DCDC1: variants seen among roughly 807,000 people sequenced by gnomAD.
The protein encoded by DCDC1 is doublecortin domain containing 1.
A neutral mutation model predicts 178.3 loss-of-function variants in DCDC1; 200 were observed. That is an observed-to-expected ratio of 1.12 (90% CI 1.00 to 1.26). The LOEUF (loss-of-function observed/expected upper bound fraction) is 1.26, where lower values mean the gene tolerates loss of function less well. Among genes scored for constraint, DCDC1 ranks in the 50% most tolerant of loss-of-function variants. DCDC1 has a pLI of 0.00. For synonymous variants in DCDC1, 690 were observed against 604.8 expected (o/e 1.14, Z -2.07); for missense variants, 1,983 against 1,749.2 (o/e 1.13, Z -2.38).
chr11:30,884,030 C>T (rs1180051982), intron 36 of DCDC1, among the ~76,000 whole-genome samples: 2 of 52,356 alleles, frequency 3.8e-5, no homozygotes, highest in Non-Finnish European at 3.6e-5. Flanking sequence ...AGCATTCTTT[C>T]TCATTTTTTT....
At chr11:30,951,912 A>G (rs1948450100) in intron 21 of DCDC1, among the ~76,000 whole-genome samples, 1 of 152,150 alleles carries the variant, frequency 6.6e-6, no homozygotes, top group South Asian at 2.1e-4. Flanking sequence ...CATAGAAAAG[A>G]CCAAATACTT....
chr11:31,200,350 T>TA (rs1971143205), intron 9 of DCDC1, among the ~76,000 whole-genome samples: 1 of 152,110 alleles, frequency 6.6e-6, no homozygotes. Flanking sequence ...GTGGATAACT[T>TA]AAACATAGCT....
chr11:30,922,840 T>A (rs1946336480), intron 23 of DCDC1, among the ~76,000 whole-genome samples: 1 of 152,176 alleles, frequency 6.6e-6, no homozygotes, highest in African/African-American at 2.4e-5. Context: ...ATTTCAAGAG[T>A]TTTGTATTAA....
intron 21 of DCDC1, among the ~76,000 whole-genome samples, chr11:30,937,685 C>T (rs1947361681): frequency 6.6e-6 from 1 of 152,102 alleles, no homozygotes; most frequent in Non-Finnish European, 1.5e-5. Flanking sequence ...TTCTGAGCTT[C>T]CCTCAGTAAT....
intron 7 of DCDC1, among the ~76,000 whole-genome samples, chr11:31,282,596 G>A (rs1421065461): frequency 2.0e-5 from 3 of 151,952 alleles, no homozygotes; most frequent in African/African-American, 7.2e-5. Context: ...CCTTTTAAAT[G>A]TACTGGGAAT....
intron 1 of DCDC1, among the ~76,000 whole-genome samples, chr11:31,368,129 T>C (rs1379599113): frequency 6.6e-6 from 1 of 152,086 alleles, no homozygotes; most frequent in Admixed American, 6.5e-5. Flanking sequence ...ATTATGGAGA[T>C]AAAAGAAAAA....
chr11:31,109,119 A>ATT (rs36063214), intron 12 of DCDC1, among the ~76,000 whole-genome samples: 8 of 139,216 alleles, frequency 5.7e-5, no homozygotes, highest in East Asian at 2.1e-4. Context: ...TAATATCTTC[A>ATT]TTTTTTTTTT....
chr11:30,965,706 G>C (rs1478477719), intron 20 of DCDC1, among the ~76,000 whole-genome samples: 11 of 142,846 alleles, frequency 7.7e-5, no homozygotes, highest in Non-Finnish European at 1.5e-4. Flanking sequence ...AGCCACTAAC[G>C]TGTCATCTAG....
At chr11:31,340,084 G>C (rs1950465984) in intron 1 of DCDC1, among the ~76,000 whole-genome samples, 2 of 152,070 alleles carry the variant, frequency 1.3e-5, no homozygotes, top group African/African-American at 4.8e-5. Context: ...CTCCTCACTA[G>C]CTCCACTCCC....
chr11:31,056,522 G>C (rs540246073), intron 20 of DCDC1, among the ~76,000 whole-genome samples: 2 of 152,160 alleles, frequency 1.3e-5, no homozygotes, highest in East Asian at 1.9e-4. Flanking sequence ...TGACCAAAAA[G>C]CTGGGACCAC....
chr11:31,369,336 T>A (rs1169125635), intron 1 of DCDC1, among the ~76,000 whole-genome samples: 1 of 152,136 alleles, frequency 6.6e-6, no homozygotes, highest in Non-Finnish European at 1.5e-5. Context: ...GCAGAAAAAA[T>A]TAAACCGACC....
chr11:31,203,248 A>G (rs1039775129), intron 9 of DCDC1, among the ~76,000 whole-genome samples: 2 of 152,250 alleles, frequency 1.3e-5, no homozygotes, highest in Non-Finnish European at 2.9e-5. Context: ...TCAATTATTC[A>G]TAAAGAACAA....
intron 9 of DCDC1, among the ~76,000 whole-genome samples, chr11:31,169,616 G>A (rs184168035): frequency 1.1e-4 from 16 of 152,140 alleles, no homozygotes; most frequent in African/African-American, 3.9e-4. Context: ...AAAAAGGGCA[G>A]TTGAGTTGTT....
At chr11:31,098,368 G>A (rs1157187510) in intron 15 of DCDC1, among the ~76,000 whole-genome samples, 1 of 152,166 alleles carries the variant, frequency 6.6e-6, no homozygotes, top group Non-Finnish European at 1.5e-5. Context: ...TCAATGTGTA[G>A]TAGATTCCAA....
chr11:31,304,985 A>T (rs1948358626), intron 6 of DCDC1, among the ~76,000 whole-genome samples: 2 of 152,288 alleles, frequency 1.3e-5, no homozygotes, highest in South Asian at 4.1e-4. Flanking sequence ...TTATTTTTTT[A>T]AATTTTAGAA....
chr11:31,282,877 T>C (rs1431556291), intron 7 of DCDC1, among the ~76,000 whole-genome samples: 1 of 152,178 alleles, frequency 6.6e-6, no homozygotes, highest in Non-Finnish European at 1.5e-5. Flanking sequence ...GCTTTAAACA[T>C]ATTATCTCTC....
At chr11:30,888,149 A>AGAAAGAAAGG (rs1565030411) in intron 36 of DCDC1, among the ~76,000 whole-genome samples, 1 of 139,200 alleles carries the variant, frequency 7.2e-6, no homozygotes, top group Non-Finnish European at 1.5e-5. Flanking sequence ...AAAGAAAGAA[A>AGAAAGAAAGG]GAAAGAAAGA....
intron 20 of DCDC1, among the ~76,000 whole-genome samples, chr11:31,016,055 A>C (rs929292533): frequency 1.3e-5 from 2 of 152,212 alleles, no homozygotes; most frequent in African/African-American, 4.8e-5. Flanking sequence ...GCACAATGAA[A>C]GAGGGGGGTT....
chr11:31,161,727 A>T (rs146362251), intron 9 of DCDC1, among the ~76,000 whole-genome samples: 4 of 152,214 alleles, frequency 2.6e-5, no homozygotes, highest in African/African-American at 9.6e-5. Flanking sequence ...TTCAGAAGTC[A>T]TATACAAGCA....
Sources: gnomAD v4.1 joint callset for allele counts (sites outside exome capture counted in the v4.1 genomes callset) on GRCh38, gnomAD v4.1.1 for gene constraint, MANE v1.5 for transcripts, NCBI Gene and HGNC (gene_info 2026-07-23, HGNC 2026-07-21) for gene names.